ARHGAP44: variants seen among roughly 807,000 people sequenced by gnomAD.
ARHGAP44 encodes the protein Rho GTPase activating protein 44, also known as rho GTPase-activating protein 44.
A neutral mutation model predicts 106.8 loss-of-function variants in ARHGAP44; 43 were observed. The ratio of observed to expected loss-of-function variants is 0.40; its 90% CI spans 0.32 to 0.52. The LOEUF is 0.52. Ranked by LOEUF, ARHGAP44 falls within the 20% of genes least tolerant of loss-of-function variation. The pLI is 0.48. For missense variants in ARHGAP44, 866 were observed against 1,050.5 expected, an observed-to-expected ratio of 0.82 and a Z score of 2.43; for synonymous variants, 439 against 410.3, an observed-to-expected ratio of 1.07 and a Z score of -0.85.
At chr17:12,890,474 C>A (rs1311980073) in intron 1 of ARHGAP44, among the ~76,000 whole-genome samples, 3 of 152,156 alleles carry the variant, frequency 2.0e-5, no homozygotes, top group Admixed American at 6.5e-5. Context: ...AGCCAAGGAG[C>A]TCTGCACTGG....
At chr17:12,915,566 G>GT (rs1162621530) in intron 4 of ARHGAP44, among the ~76,000 whole-genome samples, 5 of 152,124 alleles carry the variant, frequency 3.3e-5, no homozygotes, top group Admixed American at 6.5e-5. Flanking sequence ...TGAAGATGAT[G>GT]TTTTTTTAGC....
intron 20 of ARHGAP44, chr17:12,986,887 G>A (rs1448743529): frequency 1.5e-5 from 8 of 518,634 alleles, no homozygotes; most frequent in East Asian, 6.1e-5. Flanking sequence ...AATGTCCCTC[G>A]CCCTGTGCGG....
intron 13 of ARHGAP44, among the ~76,000 whole-genome samples, chr17:12,953,468 A>G (rs1288729234): frequency 1.3e-5 from 2 of 152,230 alleles, no homozygotes; most frequent in Non-Finnish European, 2.9e-5. Context: ...ATGGGATGGC[A>G]GTTCCTCAAA....
intron 16 of ARHGAP44, among the ~76,000 whole-genome samples, chr17:12,963,578 C>T (rs2039316094): frequency 7.3e-6 from 1 of 137,852 alleles, no homozygotes. Context: ...GCTGTGTGTG[C>T]AGACAGGCCG....
intron 18 of ARHGAP44, among the ~76,000 whole-genome samples, chr17:12,975,097 G>C (rs963645156): frequency 3.9e-5 from 6 of 152,108 alleles, no homozygotes; most frequent in African/African-American, 1.4e-4. Context: ...TGATCCACCC[G>C]CCTCGGCCTC....
chr17:12,808,630 C>T (rs534504418), intron 1 of ARHGAP44, among the ~76,000 whole-genome samples: 83 of 152,304 alleles, frequency 5.4e-4, no homozygotes, highest in African/African-American at 8.7e-4. Context: ...CAAAGGAGTA[C>T]GAACCTGAGT....
At chr17:12,877,436 C>T (rs1051067256) in intron 1 of ARHGAP44, among the ~76,000 whole-genome samples, 2 of 151,924 alleles carry the variant, frequency 1.3e-5, no homozygotes, top group Non-Finnish European at 2.9e-5. Context: ...TTAAGATCAT[C>T]GTTGGTTTAT....
At chr17:12,986,625 A>G (rs2039962025) in intron 20 of ARHGAP44, 2 of 133,866 alleles carry the variant, frequency 1.5e-5, no homozygotes, top group Admixed American at 8.2e-5. Flanking sequence ...GGTGGAGCCG[A>G]GATTGTGCCA....
chr17:12,839,800 GATC>G (rs1299181948), intron 1 of ARHGAP44, among the ~76,000 whole-genome samples: 2 of 152,094 alleles, frequency 1.3e-5, no homozygotes. Context: ...TCTTCATGTG[GATC>G]ATATTTATTT....
Position 12,889,598 on chromosome 17 carries a change from A to G in ARHGAP44, c.54-5342A>G, listed in dbSNP as rs1009247332. Among the ~76,000 whole-genome samples the G allele has an allele frequency of 6.6e-5, 10 of 152,178 alleles. No homozygotes were observed. The South Asian group carries it at 2.1e-3, about 32-fold the overall frequency. ...ACTTCAGGAGACATATTCAGCTTTTAGCATTCTGCCTCTGACCCCCAAAAT... is the reference window on the plus strand; with the variant it reads ...ACTTCAGGAGACATATTCAGCTTTTGGCATTCTGCCTCTGACCCCCAAAAT... On this transcript the variant is annotated intron_variant, in intron 1 of 20. Transcript: ENST00000379672.
At chr17:12,852,362 G>C (rs1316006230) in intron 1 of ARHGAP44, among the ~76,000 whole-genome samples, 2 of 129,444 alleles carry the variant, frequency 1.5e-5, no homozygotes, top group African/African-American at 5.9e-5. Flanking sequence ...TTCGTTTCCA[G>C]TACTTGTCAT....
intron 1 of ARHGAP44, among the ~76,000 whole-genome samples, chr17:12,883,314 G>T (rs2036790666): frequency 6.6e-6 from 1 of 150,604 alleles, no homozygotes; most frequent in South Asian, 2.1e-4. Flanking sequence ...TCTTGTAGAG[G>T]CTTGCCATTT....
chr17:12,972,057 G>A (rs748465807), intron 16 of ARHGAP44, among the ~76,000 whole-genome samples: 1 of 152,182 alleles, frequency 6.6e-6, no homozygotes, highest in Admixed American at 6.5e-5. Flanking sequence ...ATTTCATGGT[G>A]TAATAGTTTT....
chr17:12,880,347 G>A (rs887219523), intron 1 of ARHGAP44, among the ~76,000 whole-genome samples: 1 of 151,936 alleles, frequency 6.6e-6, no homozygotes, highest in Non-Finnish European at 1.5e-5. Flanking sequence ...GTCTCTTTCC[G>A]TTTTTCAGAG....
rs576669231 is a variant in ARHGAP44 at position 12,792,091 on chromosome 17, G to A, written c.53+2200G>A. Among the ~76,000 whole-genome samples, 98 of 152,196 alleles carry A rather than the reference G, an allele frequency of 6.4e-4. 1 individual carries two copies. In the South Asian group the frequency reaches 0.015, roughly 23 times the overall value. ...TCTTCACATTCATGGAGCTCTAGCC[G>A]TGTGGCCTTTCTTGCCCCAAACACA... On this transcript the variant is annotated intron_variant, in intron 1 of 20. Transcript: ENST00000379672.
intron 18 of ARHGAP44, among the ~76,000 whole-genome samples, chr17:12,975,669 G>A (rs961239744): frequency 1.3e-5 from 2 of 151,624 alleles, no homozygotes; most frequent in East Asian, 1.9e-4. Context: ...GTGGTGGCGG[G>A]CGCCTGTAGT....
At chr17:12,837,702 C>T (rs1008551900) in intron 1 of ARHGAP44, among the ~76,000 whole-genome samples, 3 of 151,582 alleles carry the variant, frequency 2.0e-5, no homozygotes, top group Non-Finnish European at 2.9e-5. Flanking sequence ...CAATGACTTT[C>T]TGGGAGATAC....
At chr17:12,977,368 G>A (rs1019832984) in intron 18 of ARHGAP44, among the ~76,000 whole-genome samples, 8 of 151,980 alleles carry the variant, frequency 5.3e-5, no homozygotes, top group African/African-American at 1.2e-4. Flanking sequence ...CCGGATTCTC[G>A]TTCTGGCTCC....
At chr17:12,848,283 G>A (rs2035628915) in intron 1 of ARHGAP44, among the ~76,000 whole-genome samples, 1 of 152,120 alleles carries the variant, frequency 6.6e-6, no homozygotes, top group African/African-American at 2.4e-5. Context: ...AAGGGTAGAA[G>A]TGCCATTTTT....
Sources: allele counts gnomAD v4.1 joint callset (sites outside exome capture counted in the v4.1 genomes callset), GRCh38; gene constraint gnomAD v4.1.1; transcripts MANE v1.5; gene names NCBI Gene and HGNC (gene_info 2026-07-23, HGNC 2026-07-21).